Variants in NSD2 observed in about 807,000 individuals in gnomAD.
NSD2 encodes nuclear receptor binding SET domain protein 2, also known as histone-lysine N-methyltransferase NSD2.
In NSD2, 12 loss-of-function variants were observed where a neutral mutation model predicts 139.0. The observed-to-expected ratio is 0.09, with a 90% CI of 0.06 to 0.14. NSD2 has a LOEUF of 0.14. Ranked by LOEUF, NSD2 falls within the 10% of genes least tolerant of loss-of-function variation. The pLI, the probability that NSD2 is intolerant of heterozygous loss-of-function variation, is 1.00. For synonymous variants in NSD2, 669 were observed against 648.7 expected, an observed-to-expected ratio of 1.03 and a Z score of -0.48; for missense variants, 1,155 against 1,745.0, an observed-to-expected ratio of 0.66 and a Z score of 6.02.
chr4:1,977,967 A>C (rs868005489), intron 21 of NSD2, among the ~76,000 whole-genome samples: 11 of 152,134 alleles, frequency 7.2e-5, no homozygotes, highest in African/African-American at 9.6e-5. Flanking sequence ...TCTCTACTGA[A>C]CATAGAAAAA....
At chr4:1,906,644 C>G (rs988998034) in intron 3 of NSD2, among the ~76,000 whole-genome samples, 3 of 147,742 alleles carry the variant, frequency 2.0e-5, no homozygotes, top group Non-Finnish European at 4.5e-5. Context: ...TTTTACTTCT[C>G]TCTCTCTCTC....
Position 1,974,105 on chromosome 4 carries a change from G to T in NSD2, c.3373-758G>T, listed in dbSNP as rs977522219. 2.0e-5 allele frequency among the ~76,000 whole-genome samples: 3 copies of T among 152,174 alleles called. No individual in the cohort carries two copies. Among genetic ancestry groups the T allele is most frequent in the Admixed American group, 6.5e-5 (1 of 15,270 alleles). ...CCAACGCCACATCAGCGCCATGGGT[G>T]CAAAGTCAGAGCTCACTGTCACTCG... is the stretch of plus-strand genomic sequence containing the variant. On this transcript the variant is annotated intron_variant, in intron 18 of 21. Coordinates refer to ENST00000508803, the MANE Select transcript of NSD2 (RefSeq NM_001042424.3). The surrounding 1 kb of genome is among the most constrained non-coding windows in gnomAD (Gnocchi z 4.0).
At chr4:1,906,924 G>A (rs1363487168) in intron 3 of NSD2, among the ~76,000 whole-genome samples, 2 of 152,086 alleles carry the variant, frequency 1.3e-5, no homozygotes, top group African/African-American at 4.8e-5. Context: ...GCCTCCCAAA[G>A]TGCTGGGATT....
intron 1 of NSD2, among the ~76,000 whole-genome samples, chr4:1,898,518 G>A (rs1397318469): frequency 6.6e-6 from 1 of 151,948 alleles, no homozygotes; most frequent in Non-Finnish European, 1.5e-5. Flanking sequence ...CAAAAAATTA[G>A]CCGGGCGTGG....
At chr4:1,872,925 CAAT>C (rs1347724712) in intron 1 of NSD2, among the ~76,000 whole-genome samples, 2 of 152,236 alleles carry the variant, frequency 1.3e-5, no homozygotes, top group South Asian at 2.1e-4. Flanking sequence ...ATGAGAACAA[CAAT>C]ATTTTAAAGA....
chr4:1,955,936 G>A lies in NSD2; in HGVS notation c.2676-47G>A, dbSNP rs375757398. 8.3e-5 allele frequency: 134 copies of A among 1,610,486 alleles called. No individual in the cohort carries two copies. The African/African-American group carries it at 9.1e-4, about 11-fold the overall frequency. On this transcript the variant is annotated intron_variant, in intron 14 of 21. Transcript: ENST00000508803. The surrounding 1 kb of genome is among the most constrained non-coding windows in gnomAD (Gnocchi z 4.7). ...TACTTAAAGTATTGAAATTATTATC[G>A]CTGTCTCTGAGGAGTCTGTGAATCC...
intron 1 of NSD2, among the ~76,000 whole-genome samples, chr4:1,886,969 CCTT>C (rs1257489018): frequency 6.6e-5 from 10 of 152,276 alleles, no homozygotes; most frequent in African/African-American, 2.2e-4. Context: ...ATGTTACCTC[CCTT>C]CTTCTTCCCA....
At chr4:1,975,529 C>T in intron 20 of NSD2, 129 bp downstream of exon 20, 4 of 754,008 alleles carry the variant, frequency 5.3e-6, no homozygotes, top group Non-Finnish European at 6.6e-6. Context: ...GGAGCAAGTT[C>T]CCTGCTGTGG....
chr4:1,916,298 G>A (rs1019707171), intron 3 of NSD2, among the ~76,000 whole-genome samples: 6 of 152,116 alleles, frequency 3.9e-5, no homozygotes, highest in African/African-American at 1.4e-4. Context: ...AGGGAATAAA[G>A]GAGTGCATTT....
intron 1 of NSD2, among the ~76,000 whole-genome samples, chr4:1,894,863 G>A (rs1343916177): frequency 6.6e-6 from 1 of 152,034 alleles, no homozygotes; most frequent in East Asian, 1.9e-4. Flanking sequence ...CATTCACATT[G>A]TTATACAACC....
In NSD2 at chr4:1,979,970, G is replaced by C. The variant is rs1727596185; in HGVS notation, c.*1061G>C. The C allele has an allele frequency of 4.3e-6, 1 of 232,736 alleles. No homozygotes were observed. The highest frequency in any genetic ancestry group is 8.5e-6 in the Non-Finnish European group (1 of 117,690). The allele number at this position is 232,736 out of a possible 1,614,324, so 14.4% of individuals were successfully genotyped here. ...CAGCACGTGGGTCTAAAGAGAGACGGAGTCTAGCTCTCCTGCCACCCAGAG... is the reference window on the plus strand; with the variant it reads ...CAGCACGTGGGTCTAAAGAGAGACGCAGTCTAGCTCTCCTGCCACCCAGAG... On this transcript the variant is annotated 3_prime_UTR_variant, in exon 22 of 22. Coordinates refer to ENST00000508803, the MANE Select transcript of NSD2 (RefSeq NM_001042424.3).
At chr4:1,936,094 C>T (rs1050419494) in intron 7 of NSD2, among the ~76,000 whole-genome samples, 1 of 152,194 alleles carries the variant, frequency 6.6e-6, no homozygotes, top group African/African-American at 2.4e-5. Flanking sequence ...AAAAGTGCAG[C>T]ATAGATACAA....
Position 1,904,330 on chromosome 4 carries a change from T to A in NSD2, c.712T>A (p.Cys238Ser). 6.2e-7 allele frequency: 1 copy of A among 1,614,156 alleles called. No homozygotes were observed. The highest frequency in any genetic ancestry group is 2.2e-5 in the East Asian group (1 of 44,886). Residue 238 changes from cysteine to serine, a missense_variant, in exon 3 of 22, where the codon TGC becomes AGC. Transcript: ENST00000508803. ...AGTGTCGGGTTACCCTTGGTGGCCT[T>A]GCATGGTTTCTGCAGATCCACTCCT... ...SKVSGYPWWP[C>S]MVSADPLLHS...
At chr4:1,895,649 C>T (rs1288448739) in intron 1 of NSD2, among the ~76,000 whole-genome samples, 1 of 152,192 alleles carries the variant, frequency 6.6e-6, no homozygotes, top group Non-Finnish European at 1.5e-5. Context: ...GGATCTCTCA[C>T]TGCTGGTGGG....
intron 1 of NSD2, among the ~76,000 whole-genome samples, chr4:1,889,350 C>T (rs1383282082): frequency 6.6e-6 from 1 of 152,094 alleles, no homozygotes; most frequent in Non-Finnish European, 1.5e-5. Flanking sequence ...TGCGCTTCCA[C>T]ACCCAGCTAA....
In NSD2 at chr4:1,872,564, TTGTGTGTGTGTG is replaced by T. The variant is rs752377919; in HGVS notation, c.-30+1039_-30+1050del. Among the ~76,000 whole-genome samples, 53 of 101,152 alleles carry T rather than the reference TTGTGTGTGTGTG, an allele frequency of 5.2e-4. 1 individual carries two copies. The highest frequency in any genetic ancestry group is 5.0e-3 in the Admixed American group (38 of 7,624). 66.4% of individuals were successfully genotyped at this position (101,152 alleles called of 152,430 possible). ...CGTTTTTAGGTAGATAACGTGTATT[TTGTGTGTGTGTG>T]TGTGTGTGTGTGTGTGAGAGAGAGA... On this transcript the variant is annotated intron_variant, in intron 1 of 21. Transcript: ENST00000508803.
chr4:1,876,300 A>AAAGC (rs1714250885), intron 1 of NSD2, among the ~76,000 whole-genome samples: 1 of 152,190 alleles, frequency 6.6e-6, no homozygotes, highest in African/African-American at 2.4e-5. Flanking sequence ...ATGAGTTTTC[A>AAAGC]AAGCATTTTA....
At chr4:1,926,469 T>A (rs1418329819) in intron 5 of NSD2, among the ~76,000 whole-genome samples, 1 of 151,600 alleles carries the variant, frequency 6.6e-6, no homozygotes, top group East Asian at 1.9e-4. Context: ...GAATTTTTAA[T>A]TTTTTTTATT....
At chr4:1,946,676 A>G in intron 9 of NSD2, 2 of 1,038,410 alleles carry the variant, frequency 1.9e-6, no homozygotes, top group Non-Finnish European at 2.3e-6. Flanking sequence ...TTTATGTAGA[A>G]TGTTAGAAAT....
Sources: allele counts gnomAD v4.1 joint callset (sites outside exome capture counted in the v4.1 genomes callset), GRCh38; gene constraint gnomAD v4.1.1; non-coding constraint Gnocchi (gnomAD v3.1); transcripts MANE v1.5; gene names NCBI Gene and HGNC (gene_info 2026-07-23, HGNC 2026-07-21).